The following DNAH3 variants were observed in gnomAD, a reference collection of about 807,000 sequenced individuals.
The protein encoded by DNAH3 is axonemal beta dynein heavy chain 3.
In DNAH3, 332 loss-of-function variants were observed where a neutral mutation model predicts 432.5. The ratio of observed to expected loss-of-function variants is 0.77; its 90% CI spans 0.70 to 0.84. DNAH3 has a LOEUF of 0.84. Ranked by LOEUF, DNAH3 falls within the 40% of genes least tolerant of loss-of-function variation. The pLI is 0.00. For synonymous variants in DNAH3, 1,956 were observed against 1,900.2 expected (o/e 1.03, Z -0.76); for missense variants, 4,861 against 5,114.0 (o/e 0.95, Z 1.51).
In DNAH3 at chr16:20,954,786, C is replaced by T. The variant is rs777013176; in HGVS notation, c.11071+27G>A. On this transcript the variant is annotated intron_variant, in intron 55 of 61. Transcript: ENST00000261383. ...TGTGTCTGATATCCTTTCCCTCAGG[C>T]CACTCAGGTGCACTGTCATCGCTTA... The T allele has an allele frequency of 5.0e-6, 8 of 1,609,178 alleles. No homozygotes were observed. The South Asian group carries it at 7.7e-5, about 16-fold the overall frequency.
At chr16:21,072,944 A>G (rs1042840615) in intron 21 of DNAH3, among the ~76,000 whole-genome samples, 1 of 151,896 alleles carries the variant, frequency 6.6e-6, no homozygotes, top group African/African-American at 2.4e-5. Context: ...TGGACCTCTC[A>G]AAGTGCTGGG....
At chr16:20,991,626 G>T (rs762917250) in intron 44 of DNAH3, among the ~76,000 whole-genome samples, 1 of 151,966 alleles carries the variant, frequency 6.6e-6, no homozygotes, top group Non-Finnish European at 1.5e-5. Flanking sequence ...CCTTTCTTAC[G>T]TGTCTTATCC....
chr16:20,988,169 G>T, intron 44 of DNAH3, 104 bp from the exon 45 acceptor site: 1 of 1,483,406 alleles, frequency 6.7e-7, no homozygotes. Context: ...CTGCCTTCAT[G>T]TTCCAGAGCT....
chr16:20,987,501 G>A, intron 46 of DNAH3, 53 bp from the exon 47 acceptor site: 3 of 1,601,126 alleles, frequency 1.9e-6, no homozygotes, highest in East Asian at 2.2e-5. Flanking sequence ...CCCTGAGGTG[G>A]TAGTTCTCAG....
intron 35 of DNAH3, among the ~76,000 whole-genome samples, 196 bp from the exon 36 acceptor site, chr16:21,034,281 G>T (rs1292800821): frequency 6.6e-6 from 1 of 152,180 alleles, no homozygotes; most frequent in Non-Finnish European, 1.5e-5. Context: ...GTGTGTCTCA[G>T]ATTATTTAAG....
At chr16:21,064,860 GGT>G (rs369066790) in intron 24 of DNAH3, among the ~76,000 whole-genome samples, 6,325 of 131,598 alleles carry the variant, frequency 0.048, 203 homozygotes, top group East Asian at 0.13. Flanking sequence ...TATTGAGGTA[GGT>G]GTGTGTGTGT....
exon 43 of DNAH3, chr16:21,000,384 G>A: frequency 6.2e-7 from 1 of 1,614,200 alleles, no homozygotes; most frequent in Non-Finnish European, 8.5e-7. Context: ...GGTGGAGAAG[G>A]AAGTTGTTGG....
chr16:21,085,056 T>C (rs1205134876), intron 19 of DNAH3, among the ~76,000 whole-genome samples: 1 of 150,592 alleles, frequency 6.6e-6, no homozygotes, highest in Non-Finnish European at 1.5e-5. Flanking sequence ...ACTCCTCCTC[T>C]GCGGATCCCT....
At chr16:21,013,383 C>A (rs1302198181) in intron 41 of DNAH3, among the ~76,000 whole-genome samples, 1 of 151,604 alleles carries the variant, frequency 6.6e-6, no homozygotes, top group Non-Finnish European at 1.5e-5. Context: ...AATTGATAAA[C>A]CTTTAGACAG....
At chr16:20,964,531 G>T (rs148895333) in exon 53 of DNAH3, 1 of 1,614,126 alleles carries the variant, frequency 6.2e-7, no homozygotes, top group Non-Finnish European at 8.5e-7. Context: ...TAACTGCAGC[G>T]CGTTTTCCAG....
At chr16:21,002,523 G>A (rs563624156) in intron 42 of DNAH3, among the ~76,000 whole-genome samples, 5 of 151,964 alleles carry the variant, frequency 3.3e-5, no homozygotes, top group African/African-American at 1.2e-4. Context: ...GTGCAATGGC[G>A]CGATCTCGGC....
rs563974562 is a variant in DNAH3 at position 21,146,723 on chromosome 16, C to G, written c.118-635G>C. ...CTAACTGAAATTTTATATCCTATGA[C>G]CATCTCCCCAACCCTTCCACTCCTG... is the stretch of plus-strand genomic sequence containing the variant. On this transcript the variant is annotated intron_variant, in intron 1 of 61. Transcript: ENST00000261383. 4.3e-4 allele frequency among the ~76,000 whole-genome samples: 65 copies of G among 152,002 alleles called. 1 individual carries two copies. Among genetic ancestry groups the G allele is most frequent in the Non-Finnish European group, 5.7e-4 (39 of 67,994 alleles).
chr16:21,143,606 C>T (rs1463165604), intron 3 of DNAH3, among the ~76,000 whole-genome samples: 1 of 152,166 alleles, frequency 6.6e-6, no homozygotes, highest in African/African-American at 2.4e-5. Context: ...CCAATTAGAG[C>T]AGCAAACTTA....
intron 1 of DNAH3, chr16:21,150,401 G>A (rs955810157): frequency 1.6e-5 from 7 of 426,612 alleles, no homozygotes; most frequent in African/African-American, 1.3e-4. Context: ...CTCCTATCCA[G>A]TTGGTCTGAA....
At chr16:21,107,217 G>C (rs976611628) in intron 14 of DNAH3, among the ~76,000 whole-genome samples, 7 of 148,006 alleles carry the variant, frequency 4.7e-5, no homozygotes, top group African/African-American at 1.2e-4. Context: ...TGTTGAAATA[G>C]AGCACTAAAT....
intron 42 of DNAH3, among the ~76,000 whole-genome samples, chr16:21,001,017 T>C (rs2086990693): frequency 6.6e-6 from 1 of 152,206 alleles, no homozygotes. Context: ...CCCTATGCCA[T>C]CATCACTGCC....
At chr16:20,964,991 C>T in exon 53 of DNAH3, 1 of 1,614,186 alleles carries the variant, frequency 6.2e-7, no homozygotes, top group Non-Finnish European at 8.5e-7. Flanking sequence ...TCTGCCCTGA[C>T]CAGCTTTTGG....
At chr16:21,001,309 A>G (rs1213124853) in intron 42 of DNAH3, among the ~76,000 whole-genome samples, 3 of 152,124 alleles carry the variant, frequency 2.0e-5, no homozygotes, top group African/African-American at 7.2e-5. Flanking sequence ...ATTTGGCTAC[A>G]TTTTGTCCCT....
chr16:21,102,911 C>G (rs2091869685), intron 16 of DNAH3, among the ~76,000 whole-genome samples: 1 of 147,466 alleles, frequency 6.8e-6, no homozygotes. Context: ...GAATCTCGCT[C>G]TGTCACCAGG....
Sources: allele counts gnomAD v4.1 joint callset (sites outside exome capture counted in the v4.1 genomes callset), GRCh38; gene constraint gnomAD v4.1.1; transcripts MANE v1.5; gene names NCBI Gene and HGNC (gene_info 2026-07-23, HGNC 2026-07-21).